Variants in EXT2 observed in about 807,000 individuals in gnomAD.
The protein encoded by EXT2 is exostosin-2.
EXT2 carries 53 observed loss-of-function variants against 81.6 expected under a neutral mutation model. The ratio of observed to expected loss-of-function variants is 0.65; its 90% CI spans 0.52 to 0.82. The LOEUF (loss-of-function observed/expected upper bound fraction) is 0.82. EXT2 is among the 40% of genes least tolerant of loss of function. The pLI, the probability that EXT2 is intolerant of heterozygous loss-of-function variation, is 0.00. For synonymous variants in EXT2, 320 were observed against 340.0 expected, an observed-to-expected ratio of 0.94 and a Z score of 0.65; for missense variants, 774 against 910.2, an observed-to-expected ratio of 0.85 and a Z score of 1.93.
intron 10 of EXT2, among the ~76,000 whole-genome samples, chr11:44,223,803 A>G: frequency 6.6e-6 from 1 of 152,046 alleles, no homozygotes; most frequent in Non-Finnish European, 1.5e-5. Context: ...GGCACCCGCC[A>G]CTAGGCCCGG....
At chr11:44,202,103 A>G (rs1185030854) in intron 9 of EXT2, among the ~76,000 whole-genome samples, 1 of 152,220 alleles carries the variant, frequency 6.6e-6, no homozygotes, top group Non-Finnish European at 1.5e-5. Context: ...AACTTGCAAC[A>G]GGGAAAAGTA....
intron 7 of EXT2, among the ~76,000 whole-genome samples, chr11:44,146,057 G>A (rs768792739): frequency 3.9e-5 from 6 of 152,196 alleles, no homozygotes; most frequent in Non-Finnish European, 8.8e-5. Flanking sequence ...GAGTTGGCAG[G>A]GAGGGTTTCT....
intron 7 of EXT2, among the ~76,000 whole-genome samples, chr11:44,152,865 C>A (rs1027777494): frequency 6.6e-6 from 1 of 152,162 alleles, no homozygotes; most frequent in Non-Finnish European, 1.5e-5. Flanking sequence ...TGTCTGGGCT[C>A]TCTATTCTGT....
In EXT2 at chr11:44,171,672, A is replaced by G. The variant is rs1292646430; in HGVS notation, c.1235A>G (p.Gln412Arg). Residue 412 changes from glutamine to arginine, a missense_variant, in exon 8 of 14, where the codon CAG becomes CGG. By Grantham distance (43) the Gln-to-Arg change is conservative (BLOSUM62 1). This residue lies in a region of EXT2 where 626 missense variants were observed against 670.5 expected (regional missense o/e 0.93). Transcript: ENST00000533608. ...SIKAIALATLQIINDRIYPYA... is the reference protein window; with the variant it reads ...SIKAIALATLRIINDRIYPYA... ...AAAGCCATTGCCCTGGCCACCCTGC[A>G]GATTATCAATGACCGGATCTATCCA... The G allele has an allele frequency of 2.5e-6, 4 of 1,614,050 alleles. No individual in the cohort carries two copies. In the Admixed American group the frequency reaches 5.0e-5, roughly 20 times the overall value.
intron 7 of EXT2, among the ~76,000 whole-genome samples, chr11:44,132,764 A>G (rs1954511693): frequency 6.6e-6 from 1 of 152,058 alleles, no homozygotes; most frequent in Non-Finnish European, 1.5e-5. Context: ...CCCCTTTCTA[A>G]CTCCCTTTTC....
chr11:44,208,844 C>A (rs1955614280), intron 10 of EXT2, among the ~76,000 whole-genome samples: 1 of 152,222 alleles, frequency 6.6e-6, no homozygotes, highest in Non-Finnish European at 1.5e-5. Context: ...TGACACTGTG[C>A]TGCCTTCCCT....
chr11:44,102,534 CTTTTTTT>C (rs59752163), intron 1 of EXT2, among the ~76,000 whole-genome samples: 6 of 106,170 alleles, frequency 5.7e-5, no homozygotes, highest in East Asian at 2.7e-4. Flanking sequence ...CTGTCTCTCT[CTTTTTTT>C]TTTTTTTTTT....
intron 1 of EXT2, chr11:44,096,251 G>T (rs1475032158): frequency 3.9e-6 from 6 of 1,535,888 alleles, no homozygotes; most frequent in Admixed American, 2.0e-5. Context: ...CCTCCCAGGG[G>T]GATGTCCTGC....
chr11:44,206,062 T>C (rs1395655771), intron 9 of EXT2, among the ~76,000 whole-genome samples: 1 of 140,692 alleles, frequency 7.1e-6, no homozygotes, highest in Non-Finnish European at 1.5e-5. Context: ...AAATCCCACA[T>C]AATTGGACCT....
chr11:44,235,346 A>G lies in EXT2; in HGVS notation c.1936-947A>G, dbSNP rs529475073. On this transcript the variant is annotated intron_variant, in intron 12 of 13. Coordinates refer to ENST00000533608, the MANE Select transcript of EXT2 (RefSeq NM_207122.2). ...GCCTCCTGGGTTCAAGCAATTCACA[A>G]TTCTCCTGCCTCAGCCTCCTGAGTA... Among the ~76,000 whole-genome samples the G allele has an allele frequency of 1.5e-4, 22 of 148,396 alleles. 1 individual carries two copies. The highest frequency in any genetic ancestry group is 4.8e-4 in the African/African-American group (19 of 39,954).
chr11:44,175,975 TTG>T lies in EXT2; in HGVS notation c.1305+4238_1305+4239del, dbSNP rs1390330478. 2.0e-5 allele frequency among the ~76,000 whole-genome samples: 3 copies of T among 152,304 alleles called. No homozygotes were observed. The East Asian group carries it at 5.8e-4, about 29-fold the overall frequency. On this transcript the variant is annotated intron_variant, in intron 8 of 13. Coordinates refer to ENST00000533608, the MANE Select transcript of EXT2 (RefSeq NM_207122.2). ...GGCAAGTTGGCAAGTAATTGGCAAG[TTG>T]TGTGAACAAGTGATAACTCAGGTCT...
At position 44,247,243 on chromosome 11, in the gene EXT2, CTTTTTTTTTTTT is replaced by C. The variant is rs11421737; in HGVS notation, c.*2965_*2976del. Among the ~76,000 whole-genome samples the C allele has an allele frequency of 8.7e-6, 1 of 115,182 alleles. No individual in the cohort carries two copies. Among genetic ancestry groups the C allele is most frequent in the Non-Finnish European group, 1.7e-5 (1 of 57,704 alleles). 75.6% of individuals were successfully genotyped at this position (115,182 alleles called of 152,430 possible). A position where few individuals can be genotyped will look rare whatever the true frequency, so the allele number is the denominator to read the frequency against. ...CCTGCCAGTGATGCTCTGCTGTATC[CTTTTTTTTTTTT>C]TTTTTTTTGAGACAGAGTCTTGCTC... On this transcript the variant is annotated 3_prime_UTR_variant, in exon 14 of 14. Coordinates refer to ENST00000533608, the MANE Select transcript of EXT2 (RefSeq NM_207122.2).
rs570769042 is a variant in EXT2 at position 44,148,240 on chromosome 11, T to C, written c.1173+18102T>C. Among the ~76,000 whole-genome samples, 9 of 152,338 alleles carry C rather than the reference T, an allele frequency of 5.9e-5. No homozygotes were observed. In the East Asian group the frequency reaches 1.7e-3, roughly 29 times the overall value. ...TAGACAACTACTCCCTAAATGTTGTTGAGGAAACTTCTTGGTTATTGTTAT... is the reference window on the plus strand; with the variant it reads ...TAGACAACTACTCCCTAAATGTTGTCGAGGAAACTTCTTGGTTATTGTTAT... On this transcript the variant is annotated intron_variant, in intron 7 of 13. Transcript: ENST00000533608.
At chr11:44,183,271 T>C (rs1362551926) in intron 8 of EXT2, among the ~76,000 whole-genome samples, 1 of 152,224 alleles carries the variant, frequency 6.6e-6, no homozygotes, top group African/African-American at 2.4e-5. Flanking sequence ...ACTTTGAGAC[T>C]ATGTGAATAT....
At chr11:44,244,088 GC>G (rs1564991571) in intron 13 of EXT2, 60 bp from the exon 14 acceptor site, 10 of 1,449,428 alleles carry the variant, frequency 6.9e-6, no homozygotes, top group East Asian at 2.3e-5. Context: ...TTTTCTCCCT[GC>G]CCCCATCCTT....
intron 6 of EXT2, among the ~76,000 whole-genome samples, chr11:44,129,225 CTT>C (rs1954454139): frequency 6.6e-6 from 1 of 152,178 alleles, no homozygotes; most frequent in Non-Finnish European, 1.5e-5. Flanking sequence ...TATTCTAACA[CTT>C]TAGATAGAAT....
rs1337263236 is a variant in EXT2, at chr11:44,107,986, G to A, written c.274G>A (p.Asp92Asn). ...CAGTTGCAGAATGCACACGTGTTTTGATGTCTATCGCTGTGGCTTCAACCC... is the reference window on the plus strand; with the variant it reads ...CAGTTGCAGAATGCACACGTGTTTTAATGTCTATCGCTGTGGCTTCAACCC... ...DLSCRMHTCFDVYRCGFNPKN... is the reference protein window; with the variant it reads ...DLSCRMHTCFNVYRCGFNPKN... Residue 92 changes from aspartate to asparagine, a missense_variant, in exon 2 of 14, where the codon GAT (aspartate) becomes AAT (asparagine). Asp to Asn is a conservative substitution (Grantham distance 23, BLOSUM62 1). Coordinates refer to ENST00000533608, the MANE Select transcript of EXT2 (RefSeq NM_207122.2). 6.2e-7 allele frequency: 1 copy of A among 1,614,184 alleles called. No homozygotes were observed. Among genetic ancestry groups the A allele is most frequent in the East Asian group, 2.2e-5 (1 of 44,880 alleles).
chr11:44,142,894 C>G (rs1954664572), intron 7 of EXT2, among the ~76,000 whole-genome samples: 1 of 152,168 alleles, frequency 6.6e-6, no homozygotes, highest in South Asian at 2.1e-4. Flanking sequence ...GCCTAGCAAG[C>G]TATAAATGAA....
At chr11:44,207,084 GTCCAAAAGGTGTGCGT>G in intron 10 of EXT2, 125 bp downstream of exon 10, 1 of 1,092,656 alleles carries the variant, frequency 9.2e-7, no homozygotes, top group Non-Finnish European at 1.4e-6. Context: ...TTCCAGTAGA[GTCCAAAAGGTGTGCGT>G]AAGAGTGTGG....
Sources: gnomAD v4.1 joint callset for allele counts (sites outside exome capture counted in the v4.1 genomes callset) on GRCh38, gnomAD v4.1.1 for gene constraint, gnomAD v4.1.1 regional missense constraint, MANE v1.5 for transcripts, NCBI Gene and HGNC (gene_info 2026-07-23, HGNC 2026-07-21) for gene names.